TRIM37: variants seen among roughly 807,000 people sequenced by gnomAD.
The protein encoded by TRIM37 is E3 ubiquitin-protein ligase TRIM37.
Under a neutral mutation model 129.8 loss-of-function variants are expected in TRIM37, and 80 were observed. The observed-to-expected ratio is 0.62, with a 90% CI of 0.51 to 0.74. The LOEUF is 0.74. TRIM37 is among the 30% of genes least tolerant of loss of function. TRIM37 has a pLI of 0.00. For synonymous variants in TRIM37, 389 were observed against 387.1 expected (o/e 1.00, Z -0.06); for missense variants, 1,054 against 1,176.5 (o/e 0.90, Z 1.52).
At chr17:58,980,742 C>T (rs772314556), downstream of TRIM37, 26 of 1,613,978 alleles carry the variant, frequency 1.6e-5, no homozygotes, top group Admixed American at 8.3e-5. This position sits in a 1 kb window ranked among gnomAD's most constrained non-coding sequence, Gnocchi z 4.7. Context: ...TTCAAATCCC[C>T]GGGAAACAGA....
At chr17:59,046,540 GTT>G (rs772227639) in intron 16 of TRIM37, among the ~76,000 whole-genome samples, 6 of 131,866 alleles carry the variant, frequency 4.6e-5, no homozygotes, top group Admixed American at 8.3e-5. Flanking sequence ...ATGAAAAACA[GTT>G]TTTTTTTTTT....
downstream of TRIM37, among the ~76,000 whole-genome samples, chr17:58,996,242 C>T (rs375028157): frequency 1.3e-3 from 195 of 152,064 alleles, 2 homozygotes; most frequent in Middle Eastern, 0.017. Context: ...GAGGCCGAGG[C>T]GGGTGGATCA....
At chr17:59,048,999 G>A (rs780801651) in intron 15 of TRIM37, among the ~76,000 whole-genome samples, 179 bp downstream of exon 15, 6 of 152,122 alleles carry the variant, frequency 3.9e-5, no homozygotes, top group Non-Finnish European at 8.8e-5. Flanking sequence ...ACCTTGAAAT[G>A]CTTTGATTCA....
intron 23 of TRIM37, among the ~76,000 whole-genome samples, 179 bp from the exon 24 acceptor site, chr17:58,999,638 A>C (rs1293962219): frequency 6.6e-6 from 1 of 152,240 alleles, no homozygotes; most frequent in Non-Finnish European, 1.5e-5. Context: ...GGTATAAGCA[A>C]ACACAAAGGA....
rs142661812 is a variant in TRIM37, at chr17:59,056,323, C to T, written c.1199+552G>A. ...CCTCCATAGTAGATGGAAACACCGG[C>T]GCACCACTGCACCCAGCTTATCTTT... On this transcript the variant is annotated intron_variant, in intron 13 of 23. Transcript: ENST00000262294. Among the ~76,000 whole-genome samples the T allele has an allele frequency of 4.1e-3, 619 of 152,108 alleles. 7 individuals carry two copies. Among genetic ancestry groups the T allele is most frequent in the African/African-American group, 0.014 (578 of 41,502 alleles).
chr17:59,045,330 A>G (rs2039665038), intron 16 of TRIM37, among the ~76,000 whole-genome samples: 1 of 151,672 alleles, frequency 6.6e-6, no homozygotes. Flanking sequence ...CTCCGTTTCA[A>G]ATAAAAAAAA....
chr17:59,060,621 C>T (rs778762894), intron 12 of TRIM37, among the ~76,000 whole-genome samples: 2 of 152,058 alleles, frequency 1.3e-5, no homozygotes, highest in African/African-American at 2.4e-5. Context: ...CTGAGGGAAA[C>T]GGGGAATGGG....
At chr17:59,017,569 A>G (rs2036106363) in intron 19 of TRIM37, 145 bp from the exon 20 acceptor site, 11 of 1,124,152 alleles carry the variant, frequency 9.8e-6, no homozygotes, top group Admixed American at 3.9e-5. Context: ...TGTAGCCCCA[A>G]TTGGTTTAGA....
At chr17:58,993,198 G>T (rs1411744685) in intron 24 of TRIM37, among the ~76,000 whole-genome samples, 2 of 152,158 alleles carry the variant, frequency 1.3e-5, no homozygotes, top group Non-Finnish European at 2.9e-5. Context: ...TGCCATGATT[G>T]TGAGGCCTCC....
intron 5 of TRIM37, 147 bp from the exon 6 acceptor site, chr17:59,081,366 C>G: frequency 3.6e-6 from 4 of 1,101,624 alleles, no homozygotes; most frequent in Non-Finnish European, 5.2e-6. Flanking sequence ...TTGAAGCAGG[C>G]CAGTGCCCGC....
At chr17:59,066,316 C>T (rs527478472) in intron 9 of TRIM37, among the ~76,000 whole-genome samples, 3 of 152,310 alleles carry the variant, frequency 2.0e-5, no homozygotes, top group South Asian at 2.1e-4. Flanking sequence ...TACAGAATAT[C>T]CTCCACAACA....
intron 21 of TRIM37, among the ~76,000 whole-genome samples, chr17:59,014,521 T>A (rs566131301): frequency 6.6e-6 from 1 of 152,116 alleles, no homozygotes; most frequent in Non-Finnish European, 1.5e-5. Context: ...TTAACTACTA[T>A]ATATCTTTTT....
chr17:59,050,030 C>T (rs780950343), intron 14 of TRIM37, among the ~76,000 whole-genome samples: 1 of 152,142 alleles, frequency 6.6e-6, no homozygotes, highest in Non-Finnish European at 1.5e-5. Context: ...GACCTATTAA[C>T]GACTCTCAGC....
intron 8 of TRIM37, chr17:59,073,213 A>G (rs2042533154): frequency 6.6e-6 from 1 of 152,252 alleles, no homozygotes; most frequent in Non-Finnish European, 1.5e-5. Flanking sequence ...ATCCATAAAC[A>G]ATGTTCTGAA....
rs1302777822 is a variant in TRIM37, at chr17:59,015,701, G to T, written c.2485C>A (p.Gln829Lys). Reference protein sequence around the residue: ...GDILPKTEDRQCKALDSDAVV... With the variant: ...GDILPKTEDRKCKALDSDAVV... Reference sequence around the variant, plus strand: ...GCATCTGAATCCAAAGCTTTACACTGCCGGTCTTCAGTTTTTGGCAGAATA... The same window carrying T: ...GCATCTGAATCCAAAGCTTTACACTTCCGGTCTTCAGTTTTTGGCAGAATA... Residue 829 changes from glutamine to lysine, a missense_variant, in exon 21 of 24, where the codon CAG becomes AAG. Coordinates refer to ENST00000262294, the MANE Select transcript of TRIM37 (RefSeq NM_015294.6). The T allele has an allele frequency of 1.9e-6, 3 of 1,613,996 alleles. No homozygotes were observed. Among genetic ancestry groups the T allele is most frequent in the Non-Finnish European group, 2.5e-6 (3 of 1,180,034 alleles).
intron 13 of TRIM37, among the ~76,000 whole-genome samples, chr17:59,056,075 T>C (rs2040839894): frequency 6.6e-6 from 1 of 152,216 alleles, no homozygotes; most frequent in Admixed American, 6.5e-5. Flanking sequence ...TAATATGCAC[T>C]GTGAAGTGAA....
downstream of TRIM37, among the ~76,000 whole-genome samples, chr17:58,979,200 G>A (rs897550454): frequency 1.3e-5 from 2 of 152,148 alleles, no homozygotes; most frequent in African/African-American, 4.8e-5. Flanking sequence ...ACAGAAGTGG[G>A]GCGATGAGCA....
chr17:59,104,068 C>T (rs767289915), intron 2 of TRIM37, among the ~76,000 whole-genome samples: 4 of 152,098 alleles, frequency 2.6e-5, no homozygotes, highest in Non-Finnish European at 5.9e-5. Context: ...CCTTATGATA[C>T]CGCACATTCT....
rs2035554976 is a variant in TRIM37 at position 59,013,486 on chromosome 17, T to C, written c.2577-1040A>G. On this transcript the variant is annotated intron_variant, in intron 21 of 23. Transcript: ENST00000262294. Reference sequence around the variant, plus strand: ...GAATGAGAAAATAAAGTACATCTTCTGTATTAAAAAAGCTACATAGTCACA... The same window carrying C: ...GAATGAGAAAATAAAGTACATCTTCCGTATTAAAAAAGCTACATAGTCACA... 1.3e-5 allele frequency among the ~76,000 whole-genome samples: 2 copies of C among 151,886 alleles called. 1 individual carries two copies. The highest frequency in any genetic ancestry group is 1.3e-4 in the Admixed American group (2 of 15,244).
Sources: allele counts gnomAD v4.1 joint callset (sites outside exome capture counted in the v4.1 genomes callset), GRCh38; gene constraint gnomAD v4.1.1; non-coding constraint Gnocchi (gnomAD v3.1); transcripts MANE v1.5; gene names NCBI Gene and HGNC (gene_info 2026-07-23, HGNC 2026-07-21).